The following CLIC4 variants were observed in gnomAD, a reference collection of about 807,000 sequenced individuals.
CLIC4 encodes the protein chloride intracellular channel protein 4.
Under a neutral mutation model 24.6 loss-of-function variants are expected in CLIC4, and 13 were observed. The observed-to-expected ratio is 0.53, with a 90% CI of 0.34 to 0.84. CLIC4 has a LOEUF of 0.84. Ranked by LOEUF, CLIC4 falls within the 40% of genes least tolerant of loss-of-function variation. The pLI, the probability that CLIC4 is intolerant of heterozygous loss-of-function variation, is 0.01. For synonymous variants in CLIC4, 104 were observed against 111.3 expected, an observed-to-expected ratio of 0.93 and a Z score of 0.41; for missense variants, 227 against 301.7, an observed-to-expected ratio of 0.75 and a Z score of 1.83.
chr1:24,749,705 CCTAGCA>C (rs1418199796), intron 1 of CLIC4, among the ~76,000 whole-genome samples: 3 of 152,156 alleles, frequency 2.0e-5, no homozygotes, highest in Non-Finnish European at 4.4e-5. Context: ...CGCCTGTAAT[CCTAGCA>C]CTGTAGGAGG....
intron 3 of CLIC4, among the ~76,000 whole-genome samples, chr1:24,819,394 C>T (rs1275165087): frequency 1.3e-5 from 2 of 151,664 alleles, no homozygotes; most frequent in Non-Finnish European, 1.5e-5. Flanking sequence ...TTATACGTCT[C>T]AGTAGGGTAC....
intron 2 of CLIC4, among the ~76,000 whole-genome samples, chr1:24,813,516 T>A (rs918231463): frequency 7.9e-5 from 12 of 151,756 alleles, no homozygotes; most frequent in African/African-American, 2.9e-4. Context: ...CCTCCCGGGT[T>A]CAAGTGATCC....
Position 24,835,588 on chromosome 1 carries a change from T to A in CLIC4, c.416-4272T>A, listed in dbSNP as rs1000794428. Reference sequence around the variant, plus strand: ...TATAAATAAATAAATAAATAAATTTTAAAAATGTAGAATTAAATACATAAC... The same window carrying A: ...TATAAATAAATAAATAAATAAATTTAAAAAATGTAGAATTAAATACATAAC... On this transcript the variant is annotated intron_variant, in intron 4 of 5. Transcript: ENST00000374379. Among the ~76,000 whole-genome samples, 18 of 152,176 alleles carry A rather than the reference T, an allele frequency of 1.2e-4. No homozygotes were observed. The East Asian group carries it at 1.7e-3, about 15-fold the overall frequency.
intron 1 of CLIC4, among the ~76,000 whole-genome samples, chr1:24,753,285 T>C (rs1638802203): frequency 2.0e-5 from 3 of 152,208 alleles, no homozygotes; most frequent in Admixed American, 6.5e-5. Flanking sequence ...ACTTAAAGAA[T>C]GTACCGGCAT....
intron 1 of CLIC4, among the ~76,000 whole-genome samples, chr1:24,781,108 AAG>A (rs1639199066): frequency 6.7e-6 from 1 of 149,050 alleles, no homozygotes; most frequent in South Asian, 2.1e-4. Flanking sequence ...AAAAAAAAGA[AAG>A]AAATTGAAAG....
chr1:24,822,691 G>C (rs1247517513), intron 3 of CLIC4, among the ~76,000 whole-genome samples: 9 of 152,102 alleles, frequency 5.9e-5, no homozygotes, highest in Admixed American at 5.9e-4. Context: ...CTCTTCTGAT[G>C]AATTTTTATT....
chr1:24,760,552 C>G (rs1638914646), intron 1 of CLIC4, among the ~76,000 whole-genome samples: 1 of 152,114 alleles, frequency 6.6e-6, no homozygotes, highest in African/African-American at 2.4e-5. Flanking sequence ...CTGCACTTCT[C>G]TGCCTTCATG....
At chr1:24,763,382 A>G (rs1384477716) in intron 1 of CLIC4, among the ~76,000 whole-genome samples, 1 of 151,990 alleles carries the variant, frequency 6.6e-6, no homozygotes, top group Admixed American at 6.6e-5. Context: ...TCTACTAAAA[A>G]TACAAAAATT....
At chr1:24,778,910 A>G (rs990553323) in intron 1 of CLIC4, among the ~76,000 whole-genome samples, 1 of 152,236 alleles carries the variant, frequency 6.6e-6, no homozygotes, top group African/African-American at 2.4e-5. Flanking sequence ...TACTTCAAGC[A>G]AGTAACAAAA....
chr1:24,768,321 T>C (rs1639027411), intron 1 of CLIC4, among the ~76,000 whole-genome samples: 2 of 152,218 alleles, frequency 1.3e-5, no homozygotes, highest in African/African-American at 4.8e-5. Context: ...TTTTGTGGTA[T>C]TCACCTTTAC....
chr1:24,816,596 T>G (rs1229200211), intron 3 of CLIC4, among the ~76,000 whole-genome samples: 1 of 152,190 alleles, frequency 6.6e-6, no homozygotes, highest in Non-Finnish European at 1.5e-5. Flanking sequence ...CAGGTCACTT[T>G]GCTTTGCTCA....
rs151106811 is a variant in CLIC4, at chr1:24,771,169, C to T, written c.72+25544C>T. ...TCTGTGGCGCATCTTACTATAAATA[C>T]TTTGGAATACAACTAATTGTGTAAA... On this transcript the variant is annotated intron_variant, in intron 1 of 5. Transcript: ENST00000374379. 3.7e-4 allele frequency among the ~76,000 whole-genome samples: 57 copies of T among 152,256 alleles called. No homozygotes were observed. The East Asian group carries it at 0.011, about 29-fold the overall frequency.
chr1:24,783,249 C>G (rs1256488346), intron 1 of CLIC4, among the ~76,000 whole-genome samples: 1 of 152,122 alleles, frequency 6.6e-6, no homozygotes, highest in Non-Finnish European at 1.5e-5. Flanking sequence ...AAAACTAAGA[C>G]CCAGAGAGGT....
At chr1:24,793,675 T>C (rs547866331) in intron 1 of CLIC4, among the ~76,000 whole-genome samples, 1 of 152,322 alleles carries the variant, frequency 6.6e-6, no homozygotes, top group Admixed American at 6.5e-5. Flanking sequence ...TCAAATTCTG[T>C]GTATATTTTG....
chr1:24,815,376 C>T (rs1639657369), intron 3 of CLIC4, among the ~76,000 whole-genome samples: 1 of 152,102 alleles, frequency 6.6e-6, no homozygotes, highest in Non-Finnish European at 1.5e-5. Flanking sequence ...GTGGCAGGCA[C>T]CTGTAATCCC....
chr1:24,780,350 C>T (rs1005878858), intron 1 of CLIC4, among the ~76,000 whole-genome samples: 3 of 152,032 alleles, frequency 2.0e-5, no homozygotes, highest in African/African-American at 7.2e-5. Context: ...TGCTTTTTTT[C>T]GACATAGTAG....
At chr1:24,811,432 A>G (rs1015676292) in intron 2 of CLIC4, among the ~76,000 whole-genome samples, 5 of 152,170 alleles carry the variant, frequency 3.3e-5, no homozygotes, top group African/African-American at 1.2e-4. Flanking sequence ...CTGGCTTACA[A>G]TTTGAGAAAC....
At chr1:24,761,728 A>G (rs1638930112) in intron 1 of CLIC4, among the ~76,000 whole-genome samples, 2 of 152,150 alleles carry the variant, frequency 1.3e-5, no homozygotes, top group African/African-American at 2.4e-5. Flanking sequence ...AAGGACAACT[A>G]TTTGGAGGCC....
intron 4 of CLIC4, among the ~76,000 whole-genome samples, chr1:24,839,654 A>G (rs1639921890): frequency 6.6e-6 from 1 of 152,180 alleles, no homozygotes; most frequent in Non-Finnish European, 1.5e-5. Context: ...GCTTATTTAT[A>G]CTTTTACCTG....
Sources: allele counts gnomAD v4.1 joint callset (sites outside exome capture counted in the v4.1 genomes callset), GRCh38; gene constraint gnomAD v4.1.1; transcripts MANE v1.5; gene names NCBI Gene and HGNC (gene_info 2026-07-23, HGNC 2026-07-21).